ERBB4: variants seen among roughly 807,000 people sequenced by gnomAD.
The protein encoded by ERBB4 is receptor tyrosine-protein kinase erbB-4.
A neutral mutation model predicts 158.0 loss-of-function variants in ERBB4; 42 were observed. The observed-to-expected ratio is 0.27, with a 90% confidence interval of 0.21 to 0.34. The LOEUF (loss-of-function observed/expected upper bound fraction) is 0.34. ERBB4 is among the 10% of genes least tolerant of loss of function. The probability of loss-of-function intolerance (pLI) is 1.00; values close to 1 mark genes in which losing one functional copy is unlikely to be tolerated. For synonymous variants in ERBB4, 583 were observed against 558.7 expected, an observed-to-expected ratio of 1.04 and a Z score of -0.61; for missense variants, 1,333 against 1,624.1, an observed-to-expected ratio of 0.82 and a Z score of 3.08.
chr2:212,102,400 G>A (rs59507344), intron 2 of ERBB4, among the ~76,000 whole-genome samples: 101,816 of 151,588 alleles, frequency 0.67, 36,402 homozygotes, highest in African/African-American at 0.89. Flanking sequence ...TCTTGAAAAT[G>A]CCCTTGGCAT....
At chr2:212,298,125 T>A (rs562032059) in intron 1 of ERBB4, among the ~76,000 whole-genome samples, 1 of 151,926 alleles carries the variant, frequency 6.6e-6, no homozygotes, top group South Asian at 2.1e-4. Context: ...TTTTGGAAAC[T>A]GAACAAATCA....
intron 1 of ERBB4, among the ~76,000 whole-genome samples, chr2:212,508,119 G>A (rs1300874637): frequency 6.6e-6 from 1 of 152,152 alleles, no homozygotes; most frequent in Non-Finnish European, 1.5e-5. Flanking sequence ...ATGATTGTTA[G>A]CATTTTTTAG....
At chr2:211,900,694 T>C (rs1471894720) in intron 3 of ERBB4, among the ~76,000 whole-genome samples, 1 of 152,194 alleles carries the variant, frequency 6.6e-6, no homozygotes, top group Non-Finnish European at 1.5e-5. Flanking sequence ...TAAGGCTCTA[T>C]ACAGGACATG....
At chr2:211,493,127 A>G (rs1359655502) in intron 20 of ERBB4, among the ~76,000 whole-genome samples, 1 of 152,132 alleles carries the variant, frequency 6.6e-6, no homozygotes, top group Non-Finnish European at 1.5e-5. Flanking sequence ...TTGAGAGATT[A>G]TCAACCAGCT....
intron 3 of ERBB4, among the ~76,000 whole-genome samples, chr2:211,930,882 T>C (rs1354107858): frequency 6.6e-6 from 1 of 152,148 alleles, no homozygotes; most frequent in Non-Finnish European, 1.5e-5. Context: ...TCCCATTTTA[T>C]TGTGGAATGG....
chr2:211,847,245 C>G (rs2077612025), intron 3 of ERBB4, among the ~76,000 whole-genome samples: 1 of 149,728 alleles, frequency 6.7e-6, no homozygotes, highest in Non-Finnish European at 1.5e-5. Context: ...CTTTTCAATT[C>G]CAATGTTTCC....
intron 1 of ERBB4, among the ~76,000 whole-genome samples, chr2:212,235,227 T>G (rs1370500294): frequency 6.6e-6 from 1 of 152,216 alleles, no homozygotes; most frequent in African/African-American, 2.4e-5. Context: ...ATTTATTAAA[T>G]AGGGAATCCT....
intron 3 of ERBB4, among the ~76,000 whole-genome samples, chr2:211,939,609 T>G (rs927315331): frequency 6.6e-6 from 1 of 152,122 alleles, no homozygotes; most frequent in Non-Finnish European, 1.5e-5. Flanking sequence ...AAAATTACTA[T>G]AGACATCTGT....
chr2:212,096,150 T>C (rs1044571259), intron 2 of ERBB4, among the ~76,000 whole-genome samples: 11 of 152,194 alleles, frequency 7.2e-5, no homozygotes, highest in African/African-American at 2.4e-4. Context: ...ATGAGAGTTG[T>C]GCTTCACAGA....
intron 12 of ERBB4, among the ~76,000 whole-genome samples, chr2:211,697,235 A>G (rs961481969): frequency 6.6e-6 from 1 of 152,208 alleles, no homozygotes; most frequent in Non-Finnish European, 1.5e-5. Flanking sequence ...CTGATCAGCT[A>G]AAGTCAAAAA....
At chr2:212,103,842 T>C (rs1482011700) in intron 2 of ERBB4, among the ~76,000 whole-genome samples, 1 of 152,104 alleles carries the variant, frequency 6.6e-6, no homozygotes, top group Admixed American at 6.5e-5. Context: ...CTGTGAAGTA[T>C]TGTAAATTCA....
rs575779023 is a variant in ERBB4 at position 211,496,875 on chromosome 2, G to C, written c.2487+65028C>G. 1.4e-4 allele frequency among the ~76,000 whole-genome samples: 22 copies of C among 152,176 alleles called. No individual in the cohort carries two copies. The East Asian group carries it at 4.2e-3, about 29-fold the overall frequency. On this transcript the variant is annotated intron_variant, in intron 20 of 27. Coordinates refer to ENST00000342788, the MANE Select transcript of ERBB4 (RefSeq NM_005235.3). Reference sequence around the variant, plus strand: ...TCATGCCTTTTGTCAAGTATTCTCAGTGATGCCATTACGGCCAGGCAATCT... The same window carrying C: ...TCATGCCTTTTGTCAAGTATTCTCACTGATGCCATTACGGCCAGGCAATCT...
intron 3 of ERBB4, among the ~76,000 whole-genome samples, chr2:211,913,145 C>G (rs2125059559): frequency 6.6e-6 from 1 of 152,252 alleles, no homozygotes; most frequent in Non-Finnish European, 1.5e-5. Context: ...CAATCTGCCT[C>G]TTGTCAGTGA....
intron 20 of ERBB4, among the ~76,000 whole-genome samples, chr2:211,432,164 G>A (rs1343011127): frequency 6.6e-6 from 1 of 152,168 alleles, no homozygotes; most frequent in Non-Finnish European, 1.5e-5. Flanking sequence ...ATAAAATGTT[G>A]AAGCATACTC....
At chr2:212,027,640 C>G (rs2076804517) in intron 2 of ERBB4, among the ~76,000 whole-genome samples, 2 of 94,186 alleles carry the variant, frequency 2.1e-5, no homozygotes, top group South Asian at 8.9e-4. Context: ...CTGTTGATCA[C>G]TGTTTCCATT....
chr2:212,190,393 C>T (rs976326131), intron 1 of ERBB4, among the ~76,000 whole-genome samples: 2 of 151,964 alleles, frequency 1.3e-5, no homozygotes, highest in African/African-American at 2.4e-5. Flanking sequence ...AAAAATTAGC[C>T]GGGCGTGGTG....
intron 2 of ERBB4, among the ~76,000 whole-genome samples, chr2:211,977,834 G>C (rs575007282): frequency 7.1e-6 from 1 of 140,628 alleles, no homozygotes; most frequent in Non-Finnish European, 1.5e-5. Context: ...ACTCCAGCCC[G>C]GGCAACAGAG....
At chr2:212,401,203 C>T (rs1287768664) in intron 1 of ERBB4, among the ~76,000 whole-genome samples, 1 of 152,118 alleles carries the variant, frequency 6.6e-6, no homozygotes, top group African/African-American at 2.4e-5. Context: ...CACAGTTTTA[C>T]CATTAGGCCA....
intron 2 of ERBB4, among the ~76,000 whole-genome samples, chr2:212,114,033 G>T (rs2079501339): frequency 6.6e-6 from 1 of 152,078 alleles, no homozygotes; most frequent in Admixed American, 6.5e-5. Flanking sequence ...ACAAGTATTT[G>T]CTGAGCAGCC....
Sources: gnomAD v4.1 joint callset for allele counts (sites outside exome capture counted in the v4.1 genomes callset) on GRCh38, gnomAD v4.1.1 for gene constraint, MANE v1.5 for transcripts, NCBI Gene and HGNC (gene_info 2026-07-23, HGNC 2026-07-21) for gene names.